The following SLIT3 variants were observed in gnomAD, a reference collection of about 807,000 sequenced individuals.
The protein encoded by SLIT3 is slit guidance ligand 3.
In SLIT3, 68 loss-of-function variants were observed where a neutral mutation model predicts 184.0. That is an observed-to-expected ratio of 0.37 (90% CI 0.30 to 0.45). The LOEUF is 0.45. SLIT3 is among the 20% of genes least tolerant of loss of function. The pLI is 1.00. For synonymous variants in SLIT3, 831 were observed against 828.6 expected (o/e 1.00, Z -0.05); for missense variants, 1,707 against 2,026.0 (o/e 0.84, Z 3.02).
At chr5:169,147,616 G>A (rs1025263186) in intron 4 of SLIT3, among the ~76,000 whole-genome samples, 55 of 152,306 alleles carry the variant, frequency 3.6e-4, no homozygotes, top group African/African-American at 1.3e-3. Context: ...AGGTTAGGTG[G>A]TTTTATCCTT....
chr5:168,941,337 T>C (rs1194825245), intron 4 of SLIT3, among the ~76,000 whole-genome samples: 1 of 152,204 alleles, frequency 6.6e-6, no homozygotes, highest in Non-Finnish European at 1.5e-5. Flanking sequence ...ACTCTGGCTC[T>C]ATATACTCCC....
At chr5:168,761,754 C>T (rs946079624) in intron 15 of SLIT3, among the ~76,000 whole-genome samples, 9 of 151,320 alleles carry the variant, frequency 5.9e-5, no homozygotes, top group African/African-American at 2.2e-4. Context: ...ATTTTTTTTT[C>T]CAGATACCGG....
chr5:169,030,484 C>T (rs751131427), intron 4 of SLIT3: 16 of 152,202 alleles, frequency 1.1e-4, no homozygotes, highest in Non-Finnish European at 2.1e-4. Flanking sequence ...ACTCCTGATC[C>T]GCAGGCGGAG....
At chr5:169,295,592 C>A in intron 1 of SLIT3, among the ~76,000 whole-genome samples, 1 of 152,248 alleles carries the variant, frequency 6.6e-6, no homozygotes. Flanking sequence ...GCAATTCAAA[C>A]CCACAGTCGT....
At chr5:168,880,276 G>A (rs1488568848) in intron 5 of SLIT3, among the ~76,000 whole-genome samples, 1 of 152,116 alleles carries the variant, frequency 6.6e-6, no homozygotes, top group Non-Finnish European at 1.5e-5. Context: ...CTGTCCCAGG[G>A]CAAAAGCCAT....
chr5:168,830,042 T>C (rs1757830192), intron 6 of SLIT3, among the ~76,000 whole-genome samples: 1 of 152,200 alleles, frequency 6.6e-6, no homozygotes, highest in Admixed American at 6.5e-5. Context: ...GCAGCCAACA[T>C]GGGACCAGGA....
chr5:168,861,001 C>G (rs1401020340), intron 5 of SLIT3, among the ~76,000 whole-genome samples: 1 of 152,172 alleles, frequency 6.6e-6, no homozygotes, highest in Non-Finnish European at 1.5e-5. Flanking sequence ...ATCCAACAGT[C>G]ACCTTTACAA....
chr5:169,262,695 A>T (rs1178919413), intron 1 of SLIT3, among the ~76,000 whole-genome samples: 1 of 152,150 alleles, frequency 6.6e-6, no homozygotes, highest in Non-Finnish European at 1.5e-5. Flanking sequence ...CTCAATAAGA[A>T]GGGGGTTCTC....
intron 6 of SLIT3, among the ~76,000 whole-genome samples, chr5:168,842,131 G>A (rs564979400): frequency 6.6e-6 from 1 of 152,290 alleles, no homozygotes; most frequent in East Asian, 1.9e-4. Context: ...GTGGGGAGGG[G>A]AGGTTCTTTA....
chr5:168,814,161 C>T (rs554515740), intron 8 of SLIT3, among the ~76,000 whole-genome samples: 5 of 151,978 alleles, frequency 3.3e-5, no homozygotes, highest in South Asian at 2.1e-4. Flanking sequence ...TTTGGGAGGC[C>T]GAGGCGGGTG....
At chr5:169,050,672 T>C (rs1425093551) in intron 4 of SLIT3, among the ~76,000 whole-genome samples, 19 of 151,950 alleles carry the variant, frequency 1.3e-4, no homozygotes, top group Non-Finnish European at 2.6e-4. Context: ...AACTGGATAC[T>C]ACGCAGCCTA....
At chr5:168,755,682 C>T (rs965475839) in intron 16 of SLIT3, among the ~76,000 whole-genome samples, 1 of 152,100 alleles carries the variant, frequency 6.6e-6, no homozygotes, top group Non-Finnish European at 1.5e-5. Context: ...GTGATTCACC[C>T]ACCTTGGCCT....
chr5:168,768,241 C>A, intron 14 of SLIT3: 2 of 512,392 alleles, frequency 3.9e-6, no homozygotes, highest in East Asian at 5.6e-5. Context: ...AAGGAAAGCC[C>A]CGCAGCGACT....
intron 33 of SLIT3, among the ~76,000 whole-genome samples, 187 bp from the exon 34 acceptor site, chr5:168,671,670 G>C (rs1761251636): frequency 6.6e-6 from 1 of 152,090 alleles, no homozygotes; most frequent in South Asian, 2.1e-4. Flanking sequence ...TCCTGCACTG[G>C]GACTCCTTAA....
At chr5:169,169,209 G>A (rs1413284384) in intron 4 of SLIT3, among the ~76,000 whole-genome samples, 4 of 152,210 alleles carry the variant, frequency 2.6e-5, no homozygotes, top group East Asian at 1.9e-4. Context: ...CTGGGTCCAC[G>A]GCATCCAGGC....
chr5:169,151,103 G>A (rs1762100204), intron 4 of SLIT3, among the ~76,000 whole-genome samples: 1 of 152,132 alleles, frequency 6.6e-6, no homozygotes, highest in Non-Finnish European at 1.5e-5. Flanking sequence ...ATCAGGGCTG[G>A]AACACAGAAG....
At chr5:168,966,672 G>C (rs1019523456) in intron 4 of SLIT3, among the ~76,000 whole-genome samples, 2 of 152,080 alleles carry the variant, frequency 1.3e-5, no homozygotes, top group Non-Finnish European at 2.9e-5. Flanking sequence ...CTATTTCTGG[G>C]CACTCTAAAT....
chr5:168,739,317 G>C (rs1392245015), intron 20 of SLIT3, among the ~76,000 whole-genome samples: 1 of 152,132 alleles, frequency 6.6e-6, no homozygotes, highest in Non-Finnish European at 1.5e-5. Flanking sequence ...ACTACAACTA[G>C]CCTTTAAGAA....
chr5:169,113,602 G>A lies in SLIT3; in HGVS notation c.413+79877C>T, dbSNP rs115781257. ...AGGGTTCCATCTGGGTTCCTACCAT[G>A]ACCCTCACTGATATATAATGTATAT... On this transcript the variant is annotated intron_variant, in intron 4 of 35. Transcript: ENST00000519560. 1.1e-3 allele frequency among the ~76,000 whole-genome samples: 170 copies of A among 151,552 alleles called. 1 individual carries two copies. Among genetic ancestry groups the A allele is most frequent in the African/African-American group, 3.9e-3 (159 of 41,292 alleles).
Sources: gnomAD v4.1 joint callset for allele counts (sites outside exome capture counted in the v4.1 genomes callset) on GRCh38, gnomAD v4.1.1 for gene constraint, MANE v1.5 for transcripts, NCBI Gene and HGNC (gene_info 2026-07-23, HGNC 2026-07-21) for gene names.